The following PAH variants were observed in gnomAD, a reference collection of about 807,000 sequenced individuals.
PAH encodes phenylalanine-4-hydroxylase.
A neutral mutation model predicts 62.0 loss-of-function variants in PAH; 64 were observed. The ratio of observed to expected loss-of-function variants is 1.03; its 90% CI spans 0.84 to 1.27. PAH has a LOEUF of 1.27. PAH is among the 50% of genes most tolerant of loss of function. The pLI is 0.00. For missense variants in PAH, 579 were observed against 542.8 expected (o/e 1.07, Z -0.66); for synonymous variants, 195 against 196.2 (o/e 0.99, Z 0.05).
intron 4 of PAH, among the ~76,000 whole-genome samples, chr12:102,868,282 G>T (rs1377185229): frequency 1.3e-5 from 2 of 150,210 alleles, no homozygotes; most frequent in East Asian, 3.9e-4. Context: ...CTGCGGCATT[G>T]ATTCTGGCAC....
intron 3 of PAH, among the ~76,000 whole-genome samples, chr12:102,878,506 T>C (rs539850333): frequency 6.6e-6 from 1 of 152,118 alleles, no homozygotes; most frequent in Admixed American, 6.5e-5. Context: ...GGAAACAAGA[T>C]ACATTGCAGG....
chr12:102,879,156 A>C (rs1876709862), intron 3 of PAH, among the ~76,000 whole-genome samples: 2 of 152,080 alleles, frequency 1.3e-5, no homozygotes, highest in Admixed American at 6.6e-5. Context: ...TGGGATACAC[A>C]ACTATAGGAA....
At chr12:102,858,562 C>T (rs1255409743) in intron 5 of PAH, among the ~76,000 whole-genome samples, 2 of 152,218 alleles carry the variant, frequency 1.3e-5, no homozygotes, top group Non-Finnish European at 2.9e-5. Flanking sequence ...AAATTGACCA[C>T]ATAGTTGGAA....
At chr12:102,910,008 T>C (rs1878140760) in intron 2 of PAH, among the ~76,000 whole-genome samples, 1 of 152,158 alleles carries the variant, frequency 6.6e-6, no homozygotes, top group African/African-American at 2.4e-5. Flanking sequence ...TTTTAAAATA[T>C]TTTTTTAACT....
intron 4 of PAH, among the ~76,000 whole-genome samples, chr12:102,873,140 G>A (rs1473479436): frequency 6.6e-6 from 1 of 152,210 alleles, no homozygotes; most frequent in East Asian, 1.9e-4. Context: ...GGAGTTGGGG[G>A]TCTATGTGGC....
chr12:102,849,412 G>C (rs1875049177), intron 8 of PAH, among the ~76,000 whole-genome samples: 1 of 152,142 alleles, frequency 6.6e-6, no homozygotes, highest in South Asian at 2.1e-4. Flanking sequence ...GTCTGAATTT[G>C]GGGATTGAAG....
At chr12:102,846,873 C>A (rs767710635) in intron 9 of PAH, 22 bp downstream of exon 9, 8 of 1,606,976 alleles carry the variant, frequency 5.0e-6, no homozygotes, top group Non-Finnish European at 6.8e-6. Flanking sequence ...CCACCATCCA[C>A]CCAGGGAGAG....
chr12:102,956,227 T>C (rs565610040), intron 1 of PAH, among the ~76,000 whole-genome samples: 1 of 152,360 alleles, frequency 6.6e-6, no homozygotes, highest in South Asian at 2.1e-4. Flanking sequence ...GTTCTGCCTA[T>C]GTAGACAAGA....
intron 1 of PAH, among the ~76,000 whole-genome samples, chr12:102,933,705 A>G (rs761667040): frequency 2.3e-4 from 35 of 152,180 alleles, no homozygotes; most frequent in Non-Finnish European, 4.6e-4. Flanking sequence ...AATGATATCA[A>G]GCACGTTTTC....
intron 1 of PAH, chr12:102,950,168 C>G (rs188795062): frequency 7.6e-4 from 116 of 152,344 alleles, no homozygotes; most frequent in African/African-American, 2.8e-3. Context: ...CCTAAAGAGT[C>G]CATGAGAGTG....
chr12:102,938,669 AC>A (rs1236664862), intron 1 of PAH, among the ~76,000 whole-genome samples: 4 of 151,932 alleles, frequency 2.6e-5, no homozygotes, highest in Admixed American at 2.0e-4. Context: ...TAAATGACAG[AC>A]CCTTAGTTGC....
rs770335042 is a variant in PAH, at chr12:102,851,126, T to C, written c.912+561A>G. Among the ~76,000 whole-genome samples the C allele has an allele frequency of 5.0e-3, 754 of 151,400 alleles. 26 individuals carry two copies. Among genetic ancestry groups the C allele is most frequent in the Non-Finnish European group, 1.5e-3 (100 of 67,856 alleles). On this transcript the variant is annotated intron_variant, in intron 8 of 12. Transcript: ENST00000553106. Reference sequence around the variant, plus strand: ...AAAGAAAGAAAAAGAAAAAGAAAGCTTTTTTTTGAGCTTGTTAACCACTGT... The same window carrying C: ...AAAGAAAGAAAAAGAAAAAGAAAGCCTTTTTTTGAGCTTGTTAACCACTGT...
chr12:102,873,483 T>C (rs137986195), intron 4 of PAH, among the ~76,000 whole-genome samples: 1 of 152,318 alleles, frequency 6.6e-6, no homozygotes, highest in Non-Finnish European at 1.5e-5. Context: ...TGAACTTTTA[T>C]TGGGTTGGCC....
At chr12:102,880,224 T>C (rs1463120945) in intron 3 of PAH, among the ~76,000 whole-genome samples, 1 of 152,164 alleles carries the variant, frequency 6.6e-6, no homozygotes, top group East Asian at 1.9e-4. Context: ...CCTTCCTCAG[T>C]GGGTCCAGCA....
At chr12:102,841,742 C>T (rs1874604686) in intron 11 of PAH, among the ~76,000 whole-genome samples, 1 of 152,208 alleles carries the variant, frequency 6.6e-6, no homozygotes, top group African/African-American at 2.4e-5. Flanking sequence ...CTCTGCACCT[C>T]TTCCTCCTTC....
intron 5 of PAH, among the ~76,000 whole-genome samples, chr12:102,863,313 G>A (rs771797109): frequency 5.3e-5 from 8 of 152,086 alleles, no homozygotes; most frequent in Non-Finnish European, 8.8e-5. Context: ...TTCAAGAAAT[G>A]GTAACATCCT....
upstream of PAH, among the ~76,000 whole-genome samples, chr12:102,954,755 A>T (rs532867115): frequency 3.7e-4 from 57 of 152,328 alleles, no homozygotes; most frequent in African/African-American, 1.2e-3. Context: ...CTTTTGCTTC[A>T]CACTGGTGAA....
upstream of PAH, among the ~76,000 whole-genome samples, chr12:102,954,952 G>A (rs1280771777): frequency 1.3e-5 from 2 of 152,042 alleles, no homozygotes; most frequent in African/African-American, 2.4e-5. Flanking sequence ...CTCGGTTCTT[G>A]GAAGGCTTTG....
At chr12:102,905,849 A>G (rs1877954809) in intron 2 of PAH, among the ~76,000 whole-genome samples, 1 of 152,094 alleles carries the variant, frequency 6.6e-6, no homozygotes, top group Non-Finnish European at 1.5e-5. Flanking sequence ...AAAATTCAAG[A>G]ATAAACAAAA....
Sources: allele counts gnomAD v4.1 joint callset (sites outside exome capture counted in the v4.1 genomes callset), GRCh38; gene constraint gnomAD v4.1.1; transcripts MANE v1.5; gene names NCBI Gene and HGNC (gene_info 2026-07-23, HGNC 2026-07-21).